The following ASIC2 variants were observed in gnomAD, a reference collection of about 807,000 sequenced individuals.
The protein encoded by ASIC2 is acid-sensing ion channel 2.
In ASIC2, 25 loss-of-function variants were observed where a neutral mutation model predicts 57.3. The ratio of observed to expected loss-of-function variants is 0.44; its 90% confidence interval spans 0.32 to 0.61. The LOEUF (loss-of-function observed/expected upper bound fraction) is 0.61. Ranked by LOEUF, ASIC2 falls within the 20% of genes least tolerant of loss-of-function variation. The probability of loss-of-function intolerance (pLI) is 0.06; values close to 1 mark genes in which losing one functional copy is unlikely to be tolerated. For synonymous variants in ASIC2, 319 were observed against 307.5 expected, an observed-to-expected ratio of 1.04 and a Z score of -0.39; for missense variants, 641 against 738.1, an observed-to-expected ratio of 0.87 and a Z score of 1.52.
Position 33,420,742 on chromosome 17 carries a change from G to A in ASIC2, c.556-308675C>T, listed in dbSNP as rs181425985. The stretch of plus-strand genomic sequence containing the variant: ...TCCAAGGGGTAAATATTGCTCCCAT[G>A]GCTGACTTCAAGCTACCAACACAGA... On this transcript the variant is annotated intron_variant, in intron 1 of 9. Transcript: ENST00000359872. Among the ~76,000 whole-genome samples, 260 of 152,258 alleles carry A rather than the reference G, an allele frequency of 1.7e-3. 2 individuals carry two copies. Among genetic ancestry groups the A allele is most frequent in the Middle Eastern group, 6.8e-3 (2 of 294 alleles).
At chr17:33,128,781 C>T (rs142405246) in intron 1 of ASIC2, among the ~76,000 whole-genome samples, 2 of 152,358 alleles carry the variant, frequency 1.3e-5, no homozygotes, top group Non-Finnish European at 2.9e-5. Flanking sequence ...GCTACCAACA[C>T]TCACAGTCGG....
chr17:33,064,694 G>C (rs1194848571), intron 3 of ASIC2, among the ~76,000 whole-genome samples: 1 of 152,188 alleles, frequency 6.6e-6, no homozygotes, highest in Non-Finnish European at 1.5e-5. Flanking sequence ...ACTCCGTGCT[G>C]GGAGAACCAC....
chr17:33,163,228 T>C (rs926021902), intron 1 of ASIC2, among the ~76,000 whole-genome samples: 1 of 151,972 alleles, frequency 6.6e-6, no homozygotes. Flanking sequence ...CAAGGAGCAG[T>C]TTTCAAGGCA....
chr17:33,950,508 C>A (rs550140364), intron 1 of ASIC2, among the ~76,000 whole-genome samples: 2 of 152,310 alleles, frequency 1.3e-5, no homozygotes, highest in African/African-American at 4.8e-5. Flanking sequence ...GACGGATCCC[C>A]CTTCTGAATA....
At chr17:33,311,288 A>G (rs1906405570) in intron 1 of ASIC2, among the ~76,000 whole-genome samples, 1 of 152,180 alleles carries the variant, frequency 6.6e-6, no homozygotes, top group Non-Finnish European at 1.5e-5. Context: ...AATGTTCCAC[A>G]TTAAACCTGG....
At chr17:33,887,881 T>A (rs1567746832) in intron 1 of ASIC2, among the ~76,000 whole-genome samples, 1 of 152,144 alleles carries the variant, frequency 6.6e-6, no homozygotes, top group African/African-American at 2.4e-5. Context: ...TGGTTCTACT[T>A]AATATTTTGA....
At position 34,072,135 on chromosome 17, in the gene ASIC2, G is replaced by A. The variant is rs118167391; in HGVS notation, c.555+83843C>T. The A allele has an allele frequency of 9.2e-3, 1,399 of 152,680 alleles. 12 individuals are homozygous for A. Among genetic ancestry groups the A allele is most frequent in the Non-Finnish European group, 0.015 (1,007 of 68,278 alleles). The allele number at this position is 152,680 out of a possible 1,614,324, so 9.5% of individuals were successfully genotyped here. On this transcript the variant is annotated intron_variant, in intron 1 of 9. Transcript: ENST00000359872. Reference sequence around the variant, plus strand: ...TTTTTGCAGCAGGGCAGGCATCGGGGCGAGAAGTCCTTTCCCAGTCAGTAG... The same window carrying A: ...TTTTTGCAGCAGGGCAGGCATCGGGACGAGAAGTCCTTTCCCAGTCAGTAG...
chr17:33,827,025 A>C (rs1046463008), intron 1 of ASIC2, among the ~76,000 whole-genome samples: 6 of 152,210 alleles, frequency 3.9e-5, no homozygotes, highest in Non-Finnish European at 7.3e-5. Flanking sequence ...TTGAAAGCAT[A>C]TAGTTTGTTG....
At chr17:33,623,177 C>T (rs1352571284) in intron 1 of ASIC2, among the ~76,000 whole-genome samples, 1 of 152,140 alleles carries the variant, frequency 6.6e-6, no homozygotes, top group African/African-American at 2.4e-5. Flanking sequence ...CCAGGGCTGG[C>T]TCCAAGAGTT....
chr17:33,488,694 C>T (rs895869539), intron 1 of ASIC2, among the ~76,000 whole-genome samples: 3 of 152,066 alleles, frequency 2.0e-5, no homozygotes, highest in Non-Finnish European at 4.4e-5. Flanking sequence ...ATGACCCTAC[C>T]ACATCCCTAA....
chr17:33,403,070 C>A (rs1206806001), intron 1 of ASIC2, among the ~76,000 whole-genome samples: 2 of 152,160 alleles, frequency 1.3e-5, no homozygotes, highest in Admixed American at 6.5e-5. Flanking sequence ...TAATCAGATT[C>A]TTTAGATTCT....
In ASIC2 at chr17:33,201,966, G is replaced by C. The variant is rs540180684; in HGVS notation, c.708+89442C>G. Among the ~76,000 whole-genome samples the C allele has an allele frequency of 3.5e-3, 522 of 150,544 alleles. 4 individuals are homozygous for C. Among genetic ancestry groups the C allele is most frequent in the African/African-American group, 0.012 (494 of 40,868 alleles). On this transcript the variant is annotated intron_variant, in intron 1 of 9. Coordinates refer to ENST00000225823, the MANE Select transcript of ASIC2 (RefSeq NM_183377.2). ...AGGATTGCTGGAGCCCAGGAGGTGG[G>C]GATTGCAGTGGACCAAGATCATGCC...
At position 33,121,414 on chromosome 17, in the gene ASIC2, G is replaced by A. The variant is rs140348631; in HGVS notation, c.709-9347C>T. 4.7e-3 allele frequency among the ~76,000 whole-genome samples: 713 copies of A among 152,044 alleles called. 6 individuals carry two copies. Among genetic ancestry groups the A allele is most frequent in the African/African-American group, 0.013 (557 of 41,478 alleles). ...GGAGTGCACAGAAGGAAGCTGCCTG[G>A]TGGGCAGTGATGGGGGGATGGTGGT... On this transcript the variant is annotated intron_variant, in intron 1 of 9. Coordinates refer to ENST00000225823, the MANE Select transcript of ASIC2 (RefSeq NM_183377.2).
At chr17:33,561,471 G>A (rs889484516) in intron 1 of ASIC2, among the ~76,000 whole-genome samples, 5 of 152,196 alleles carry the variant, frequency 3.3e-5, no homozygotes, top group Admixed American at 6.5e-5. Context: ...CTTTACATTT[G>A]TGAAGGGTCT....
intron 3 of ASIC2, among the ~76,000 whole-genome samples, chr17:33,088,312 C>A (rs1178550714): frequency 2.6e-5 from 4 of 152,182 alleles, no homozygotes; most frequent in Admixed American, 6.5e-5. Flanking sequence ...GAGGCTGTGC[C>A]TGTCCTCCCT....
intron 1 of ASIC2, among the ~76,000 whole-genome samples, chr17:33,920,530 G>C (rs564943637): frequency 1.3e-5 from 2 of 152,178 alleles, no homozygotes; most frequent in Admixed American, 6.5e-5. Context: ...ACAAAGGTGG[G>C]AACAATAGAC....
upstream of ASIC2, among the ~76,000 whole-genome samples, chr17:33,297,162 G>A (rs1039997782): frequency 2.6e-5 from 4 of 152,230 alleles, no homozygotes; most frequent in African/African-American, 9.6e-5. Context: ...CCACCTGCTA[G>A]TGAAGTCCTC....
intron 1 of ASIC2, among the ~76,000 whole-genome samples, chr17:33,355,800 C>T (rs1908352045): frequency 6.6e-6 from 1 of 152,002 alleles, no homozygotes; most frequent in Admixed American, 6.6e-5. Context: ...TTTTGCATAC[C>T]TACTAATTGC....
chr17:34,037,832 T>G, intron 1 of ASIC2: 1 of 1,614,140 alleles, frequency 6.2e-7, no homozygotes, highest in Non-Finnish European at 8.5e-7. Flanking sequence ...TGGCGGGAAC[T>G]GCACTTCAGT....
Sources: gnomAD v4.1 joint callset for allele counts (sites outside exome capture counted in the v4.1 genomes callset) on GRCh38, gnomAD v4.1.1 for gene constraint, MANE v1.5 for transcripts, NCBI Gene and HGNC (gene_info 2026-07-23, HGNC 2026-07-21) for gene names.